IL17B: variants seen among roughly 807,000 people sequenced by gnomAD.
The protein encoded by IL17B is interleukin 17B.
A neutral mutation model predicts 14.7 loss-of-function variants in IL17B; 14 were observed. The ratio of observed to expected loss-of-function variants is 0.95; its 90% CI spans 0.63 to 1.49. IL17B has a LOEUF of 1.49. Among genes scored for constraint, IL17B ranks in the 40% most tolerant of loss-of-function variants. The pLI is 0.00. For synonymous variants in IL17B, 105 were observed against 94.8 expected (o/e 1.11, Z -0.62); for missense variants, 233 against 252.8 (o/e 0.92, Z 0.53).
At chr5:149,390,933 C>G (rs1390129123) in intron 1 of IL17B, among the ~76,000 whole-genome samples, 32 of 151,956 alleles carry the variant, frequency 2.1e-4, no homozygotes. Context: ...GTTGGGACCC[C>G]TGGACCAGGA....
intron 1 of IL17B, among the ~76,000 whole-genome samples, chr5:149,385,026 G>T (rs1434029544): frequency 6.6e-6 from 1 of 150,634 alleles, no homozygotes; most frequent in East Asian, 2.0e-4. Flanking sequence ...CAATTCTCCT[G>T]CCTTAACCTC....
chr5:149,393,019 G>C (rs993975224), intron 1 of IL17B, among the ~76,000 whole-genome samples: 1 of 151,468 alleles, frequency 6.6e-6, no homozygotes, highest in Admixed American at 6.6e-5. Context: ...GCATGTCTGC[G>C]TGTGTGTGGG....
chr5:149,381,467 C>T (rs762195088), upstream of IL17B, among the ~76,000 whole-genome samples: 3 of 152,242 alleles, frequency 2.0e-5, no homozygotes, highest in Non-Finnish European at 4.4e-5. Flanking sequence ...GCGTTTGTGC[C>T]AGAGCTGGGA....
At chr5:149,387,646 C>CT (rs1554108284) in intron 1 of IL17B, among the ~76,000 whole-genome samples, 161 of 151,508 alleles carry the variant, frequency 1.1e-3, no homozygotes, top group African/African-American at 3.6e-3. Flanking sequence ...TGGTGGCATG[C>CT]ATCTGTAGTC....
At chr5:149,387,245 G>A (rs1187194473) in intron 1 of IL17B, among the ~76,000 whole-genome samples, 1 of 152,224 alleles carries the variant, frequency 6.6e-6, no homozygotes, top group Non-Finnish European at 1.5e-5. Context: ...TGGAAGGTCA[G>A]TTCTCATAAA....
At chr5:149,388,855 T>G (rs749499500) in intron 1 of IL17B, among the ~76,000 whole-genome samples, 11 of 152,218 alleles carry the variant, frequency 7.2e-5, no homozygotes, top group Non-Finnish European at 1.3e-4. Flanking sequence ...AAAAATCAGG[T>G]TCTGGAGTCT....
At chr5:149,398,341 A>G (rs1759133943) in intron 1 of IL17B, among the ~76,000 whole-genome samples, 1 of 152,232 alleles carries the variant, frequency 6.6e-6, no homozygotes, top group Non-Finnish European at 1.5e-5. Flanking sequence ...TTGCAAGATA[A>G]TGATCCAAAC....
intron 2 of IL17B, chr5:149,375,223 G>C (rs918102047): frequency 2.0e-5 from 3 of 152,190 alleles, no homozygotes; most frequent in African/African-American, 7.2e-5. Context: ...TTCTGTCCTA[G>C]ATTTTAGGTA....
In IL17B at chr5:149,376,626, G is replaced by A. The variant is rs369674045; in HGVS notation, c.311+110C>T. The A allele has an allele frequency of 1.1e-4, 162 of 1,421,962 alleles. No individual in the cohort carries two copies. The South Asian group carries it at 2.0e-3, about 18-fold the overall frequency. The allele number at this position is 1,421,962 out of a possible 1,614,324, so 88.1% of individuals were successfully genotyped here. A position where few individuals can be genotyped will look rare whatever the true frequency, so the allele number is the denominator to read the frequency against. On this transcript the variant is annotated intron_variant, in intron 2 of 2. Transcript: ENST00000261796. ...CAAGTAAGAGGCAGAGCTAGGGTTC[G>A]AACCCAAGCACCCAGACCTCTGAAT...
rs139108130 is a variant in IL17B at position 149,403,285 on chromosome 5, C to T, written n.95+823G>A. 7.1e-3 allele frequency among the ~76,000 whole-genome samples: 1,081 copies of T among 152,002 alleles called. 9 individuals carry two copies. The highest frequency in any genetic ancestry group is 0.024 in the African/African-American group (1,009 of 41,444). On this transcript the variant is annotated intron_variant and non_coding_transcript_variant, in intron 1 of 2. Coordinates refer to the IL17B transcript ENST00000505432. ...ATTTTTTATAGAGACGGGGTTTCAC[C>T]GTGTTGCCCAGGATGGTCTCAAACT...
intron 1 of IL17B, among the ~76,000 whole-genome samples, chr5:149,396,631 G>A (rs368355132): frequency 1.3e-5 from 2 of 152,070 alleles, no homozygotes; most frequent in African/African-American, 2.4e-5. Flanking sequence ...AGCGGTGTAC[G>A]CTTATAGTTC....
chr5:149,391,901 C>T (rs1758976761), intron 1 of IL17B, among the ~76,000 whole-genome samples: 1 of 152,170 alleles, frequency 6.6e-6, no homozygotes, highest in African/African-American at 2.4e-5. Flanking sequence ...CCTCAGCCTC[C>T]TACAGTTCCC....
At chr5:149,375,437 C>A (rs1758500055) in intron 2 of IL17B, among the ~76,000 whole-genome samples, 1 of 152,190 alleles carries the variant, frequency 6.6e-6, no homozygotes, top group Admixed American at 6.5e-5. Context: ...AATGCAGAAC[C>A]TCCTAAATCT....
At chr5:149,377,479 C>T (rs2227454) in intron 1 of IL17B, among the ~76,000 whole-genome samples, 5,640 of 152,258 alleles carry the variant, frequency 0.037, 128 homozygotes, top group East Asian at 0.087. Flanking sequence ...CGTGGGGGCA[C>T]GTGTCAGTTT....
intron 1 of IL17B, among the ~76,000 whole-genome samples, chr5:149,395,269 G>C (rs1440512139): frequency 6.6e-6 from 1 of 152,078 alleles, no homozygotes; most frequent in Admixed American, 6.5e-5. Context: ...GTCTGCCATT[G>C]ATGGGCATTT....
chr5:149,374,512 C>A lies in IL17B; in HGVS notation c.400G>T (p.Glu134Ter). ...GGCACGCTCACCATGCTGCGGTCCT[C>A]CTGCATGGTGAAGGGGTTCACACAG... is the stretch of plus-strand genomic sequence containing the variant. ...LGCVNPFTMQ[E>*]DRSMVSVPVF... Residue 134 changes from glutamate (E) to a stop codon, truncating the protein, a stop_gained, in exon 3 of 3, where the codon GAG becomes TAG. Transcript: ENST00000261796. LOFTEE classifies it high-confidence loss of function. This position sits in a 1 kb window ranked among gnomAD's most constrained non-coding sequence, Gnocchi z 5.0. 6.2e-7 allele frequency: 1 copy of A among 1,613,292 alleles called. No homozygotes were observed.
chr5:149,394,287 C>G (rs353261), intron 1 of IL17B, among the ~76,000 whole-genome samples: 17,974 of 152,172 alleles, frequency 0.12, 1,436 homozygotes, highest in East Asian at 0.17. Context: ...TTTCTAACTG[C>G]GGCCATCTGA....
chr5:149,389,868 T>C (rs1455327148), intron 1 of IL17B, among the ~76,000 whole-genome samples: 1 of 152,176 alleles, frequency 6.6e-6, no homozygotes, highest in Admixed American at 6.5e-5. Flanking sequence ...TTAACGGTCC[T>C]GGGTGGTTTA....
rs199662529 is a variant in IL17B at position 149,385,326 on chromosome 5, G to T, written n.96-8301C>A. Reference sequence around the variant, plus strand: ...GCCAAGATCGTGCCATTGCACTCTAGCCTGGGCAACAAGAATGAAACTCCA... The same window carrying T: ...GCCAAGATCGTGCCATTGCACTCTATCCTGGGCAACAAGAATGAAACTCCA... On this transcript the variant is annotated intron_variant and non_coding_transcript_variant, in intron 1 of 2. Coordinates refer to the IL17B transcript ENST00000505432. Among the ~76,000 whole-genome samples, 48 of 152,138 alleles carry T rather than the reference G, an allele frequency of 3.2e-4. No individual in the cohort carries two copies. The East Asian group carries it at 7.5e-3, about 24-fold the overall frequency.
Sources: allele counts gnomAD v4.1 joint callset (sites outside exome capture counted in the v4.1 genomes callset), GRCh38; gene constraint gnomAD v4.1.1; non-coding constraint Gnocchi (gnomAD v3.1); transcripts MANE v1.5; gene names NCBI Gene and HGNC (gene_info 2026-07-23, HGNC 2026-07-21).